Variants in RAB3IL1 observed in about 807,000 individuals in gnomAD.
The protein encoded by RAB3IL1 is guanine nucleotide exchange factor for Rab-3A.
In RAB3IL1, 37 loss-of-function variants were observed where a neutral mutation model predicts 49.2. That is an observed-to-expected ratio of 0.75 (90% CI 0.58 to 0.99). The LOEUF (loss-of-function observed/expected upper bound fraction) is 0.99. RAB3IL1 is among the 50% of genes least tolerant of loss of function. The probability of loss-of-function intolerance (pLI) is 0.00; values close to 1 mark genes in which losing one functional copy is unlikely to be tolerated. For missense variants in RAB3IL1, 484 were observed against 513.0 expected (o/e 0.94, Z 0.55); for synonymous variants, 193 against 213.9 (o/e 0.90, Z 0.85).
At chr11:61,944,536 C>T in the RAB3IL1 span, among the ~76,000 whole-genome samples, 1 of 151,996 alleles carries the variant, frequency 6.6e-6, no homozygotes, top group African/African-American at 2.4e-5. Flanking sequence ...AAGGAATGGA[C>T]CAATTAAGCA....
upstream of RAB3IL1, chr11:61,920,202 G>C: frequency 8.0e-7 from 1 of 1,257,282 alleles, no homozygotes. Context: ...TGCTTGCAAG[G>C]CCAGACTGAG....
Position 61,908,138 on chromosome 11 carries a change from G to A in RAB3IL1, c.180C>T (p.Asp60=), listed in dbSNP as rs1591228906. 1.0e-5 allele frequency: 16 copies of A among 1,593,580 alleles called. No homozygotes were observed. Among genetic ancestry groups the A allele is most frequent in the Non-Finnish European group, 1.1e-5 (13 of 1,172,480 alleles). ...TGGAAGAGCTGCGCAGGCGCAACAC[G>A]TCCAGCTGGGCGGCTGCGGGGCCCT... ...GQEGPAAAQL[D]VLRLRSSSME... is the part of the protein sequence containing the mutation. The change falls in exon 2 of 10, where the codon GAC becomes GAT. Residue 60 remains aspartate, a synonymous_variant. Coordinates refer to ENST00000394836, the MANE Select transcript of RAB3IL1 (RefSeq NM_013401.4).
At chr11:61,913,123 G>A (rs1262022353) in intron 1 of RAB3IL1, among the ~76,000 whole-genome samples, 2 of 152,106 alleles carry the variant, frequency 1.3e-5, no homozygotes, top group East Asian at 3.9e-4. Context: ...GCTGTCGAGT[G>A]GCACTGGTTT....
rs1007641292 is a variant in RAB3IL1 at position 61,898,539 on chromosome 11, C to T, written c.1067-179G>A. 2.6e-5 allele frequency among the ~76,000 whole-genome samples: 4 copies of T among 152,198 alleles called. No homozygotes were observed. The highest frequency in any genetic ancestry group is 4.4e-5 in the Non-Finnish European group (3 of 68,034). ...CCTCTCTGAGGCTCCACTCTTGAGC[C>T]TTGGAAACTGCTGAGTGCCGACCAC... On this transcript the variant is annotated intron_variant, in intron 9 of 9. Coordinates refer to ENST00000394836, the MANE Select transcript of RAB3IL1 (RefSeq NM_013401.4). The surrounding 1 kb of genome is among the most constrained non-coding windows in gnomAD (Gnocchi z 5.1).
chr11:61,920,363 C>T (rs550943590), upstream of RAB3IL1: 14 of 855,708 alleles, frequency 1.6e-5, no homozygotes, highest in East Asian at 2.0e-4. Flanking sequence ...CCTTCAACCC[C>T]GTAATTATTA....
chr11:61,904,825 T>C lies in RAB3IL1; in HGVS notation c.715A>G (p.Lys239Glu). 1 of 1,611,356 alleles carries C rather than the reference T, an allele frequency of 6.2e-7. No homozygotes were observed. ...QAWRESPTLD[K>E]TCPFLERVYR... ...ACCCTTTCCAGGAAGGGGCAGGTCT[T>C]GTCCAGGGTGGGGGATTCCCTCCAG... Residue 239 changes from lysine (K) to glutamate (E), a missense_variant, in exon 6 of 10, where the codon AAG (lysine) becomes GAG (glutamate). Lys to Glu is a moderately conservative substitution (Grantham distance 56). Transcript: ENST00000394836.
At chr11:61,908,971 G>A (rs1939342004) in intron 1 of RAB3IL1, among the ~76,000 whole-genome samples, 1 of 152,190 alleles carries the variant, frequency 6.6e-6, no homozygotes, top group South Asian at 2.1e-4. Flanking sequence ...CTGGGCCTCA[G>A]GACCCTCCCT....
At chr11:61,945,786 G>C in the RAB3IL1 span, 3 of 985,416 alleles carry the variant, frequency 3.0e-6, no homozygotes. Context: ...GCCGACTGCA[G>C]CCTGGCAGAG....
intron 2 of RAB3IL1, 54 bp downstream of exon 2, chr11:61,908,000 T>C (rs1006859745): frequency 1.3e-6 from 2 of 1,557,696 alleles, no homozygotes; most frequent in Admixed American, 1.8e-5. Context: ...CCCACAGCTC[T>C]CCCAACCTGA....
intron 8 of RAB3IL1, chr11:61,899,737 C>T (rs948179489): frequency 8.5e-6 from 2 of 234,940 alleles, no homozygotes; most frequent in South Asian, 6.5e-5. Context: ...TGAGATGAAC[C>T]GGGCAGGCTG....
At chr11:61,933,655 T>A in the RAB3IL1 span, among the ~76,000 whole-genome samples, 1 of 151,844 alleles carries the variant, frequency 6.6e-6, no homozygotes, top group East Asian at 1.9e-4. Context: ...GGGTAATGAG[T>A]AGAGACGAAG....
At chr11:61,939,373 C>A in the RAB3IL1 span, among the ~76,000 whole-genome samples, 11 of 151,950 alleles carry the variant, frequency 7.2e-5, no homozygotes, top group Admixed American at 3.9e-4. Flanking sequence ...ACAGCAAAAG[C>A]AGTACTCAAA....
chr11:61,905,815 C>G (rs1434090849), intron 5 of RAB3IL1, among the ~76,000 whole-genome samples: 1 of 152,144 alleles, frequency 6.6e-6, no homozygotes, highest in Non-Finnish European at 1.5e-5. Flanking sequence ...GTCCCTGTCT[C>G]TGGTTCCTCC....
At chr11:61,945,520 T>C in the RAB3IL1 span, among the ~76,000 whole-genome samples, 1 of 152,216 alleles carries the variant, frequency 6.6e-6, no homozygotes, top group African/African-American at 2.4e-5. Context: ...TCAGTTTCTT[T>C]GTCTGCAAAA....
At chr11:61,920,651 C>T (rs151329763), upstream of RAB3IL1, among the ~76,000 whole-genome samples, 11 of 152,342 alleles carry the variant, frequency 7.2e-5, no homozygotes, top group Admixed American at 1.3e-4. Context: ...TGGTGGGGCG[C>T]GGAGGCTCAC....
chr11:61,934,489 T>TATATAC, the RAB3IL1 span, among the ~76,000 whole-genome samples: 1 of 129,888 alleles, frequency 7.7e-6, no homozygotes, highest in African/African-American at 3.0e-5. Flanking sequence ...TATATATATA[T>TATATAC]ATATATTCTA....
chr11:61,945,926 TC>T, the RAB3IL1 span: 2 of 448,384 alleles, frequency 4.5e-6, no homozygotes, highest in Non-Finnish European at 5.9e-6. Flanking sequence ...CCTAGGTGTA[TC>T]CCAGCCTCTC....
chr11:61,923,281 C>T (rs1939944780), upstream of RAB3IL1, among the ~76,000 whole-genome samples: 1 of 152,204 alleles, frequency 6.6e-6, no homozygotes, highest in East Asian at 1.9e-4. Flanking sequence ...AGAGACTCAT[C>T]CAGGGTCACT....
intron 8 of RAB3IL1, among the ~76,000 whole-genome samples, chr11:61,900,272 C>CT (rs1938837947): frequency 6.6e-6 from 1 of 152,246 alleles, no homozygotes; most frequent in Admixed American, 6.5e-5. Context: ...TGCACACAAT[C>CT]TCCAGGTGAG....
Sources: gnomAD v4.1 joint callset for allele counts (sites outside exome capture counted in the v4.1 genomes callset) on GRCh38, gnomAD v4.1.1 for gene constraint, Gnocchi (gnomAD v3.1) non-coding constraint, MANE v1.5 for transcripts, NCBI Gene and HGNC (gene_info 2026-07-23, HGNC 2026-07-21) for gene names.